The following GPHN variants were observed in gnomAD, a reference collection of about 807,000 sequenced individuals.
GPHN encodes gephyrin.
GPHN carries 17 observed loss-of-function variants against 95.5 expected under a neutral mutation model. The observed-to-expected ratio is 0.18, with a 90% CI of 0.12 to 0.27. The LOEUF (loss-of-function observed/expected upper bound fraction) is 0.27. GPHN is among the 10% of genes least tolerant of loss of function. The pLI is 1.00. For synonymous variants in GPHN, 320 were observed against 322.5 expected, an observed-to-expected ratio of 0.99 and a Z score of 0.08; for missense variants, 660 against 978.1, an observed-to-expected ratio of 0.67 and a Z score of 4.34.
rs552874982 is a variant in GPHN at position 66,525,125 on chromosome 14, G to A, written c.64+16534G>A. On this transcript the variant is annotated intron_variant, in intron 1 of 22. Coordinates refer to ENST00000478722, the MANE Select transcript of GPHN (RefSeq NM_020806.5). Reference sequence around the variant, plus strand: ...TTTACACTCCCAAGAGTGTAAAAGCGTGCCTATTTCTCTACATCCTCTCCA... The same window carrying A: ...TTTACACTCCCAAGAGTGTAAAAGCATGCCTATTTCTCTACATCCTCTCCA... Among the ~76,000 whole-genome samples, 6 of 152,180 alleles carry A rather than the reference G, an allele frequency of 3.9e-5. No homozygotes were observed. In the South Asian group the frequency reaches 6.2e-4, roughly 16 times the overall value.
chr14:66,963,743 G>C (rs1305865665), intron 8 of GPHN, among the ~76,000 whole-genome samples: 1 of 152,026 alleles, frequency 6.6e-6, no homozygotes, highest in African/African-American at 2.4e-5. Flanking sequence ...TACTATTTAT[G>C]ACTATATTGT....
At chr14:66,766,121 A>G (rs80115021) in intron 2 of GPHN, among the ~76,000 whole-genome samples, 3 of 152,214 alleles carry the variant, frequency 2.0e-5, no homozygotes, top group Non-Finnish European at 4.4e-5. Flanking sequence ...GCATTTTTCA[A>G]TTCCTAGTGT....
chr14:66,645,032 T>G (rs1024012003), intron 1 of GPHN, among the ~76,000 whole-genome samples: 14 of 152,156 alleles, frequency 9.2e-5, no homozygotes, highest in African/African-American at 3.4e-4. Context: ...AGGTAATTCA[T>G]GGGCCATCCT....
the GPHN span, chr14:67,616,279 G>A: frequency 6.2e-6 from 1 of 160,660 alleles, no homozygotes; most frequent in Non-Finnish European, 1.4e-5. Flanking sequence ...CTGTCCTGGT[G>A]ATTTTTTTAA....
chr14:66,604,407 T>A (rs898162718), intron 1 of GPHN, among the ~76,000 whole-genome samples: 14 of 152,316 alleles, frequency 9.2e-5, no homozygotes, highest in African/African-American at 3.4e-4. Flanking sequence ...TATGTATGTG[T>A]ACGCATTCGG....
At chr14:67,571,178 G>T in the GPHN span, 43,238 of 154,056 alleles carry the variant, frequency 0.28, 6,210 homozygotes, top group South Asian at 0.39. Context: ...TATATCTTTG[G>T]GAACTTATAT....
At chr14:66,760,566 C>G in intron 2 of GPHN, 1 of 336,750 alleles carries the variant, frequency 3.0e-6, no homozygotes, top group South Asian at 3.0e-5. Context: ...TGTTCAGGGC[C>G]CATCTACCCT....
chr14:67,040,818 CA>C (rs1314766281), intron 10 of GPHN, among the ~76,000 whole-genome samples: 1 of 152,098 alleles, frequency 6.6e-6, no homozygotes, highest in Non-Finnish European at 1.5e-5. Flanking sequence ...TGCATCTTAT[CA>C]GGGGGCTCAT....
intron 13 of GPHN, among the ~76,000 whole-genome samples, chr14:67,101,769 G>A (rs2077707792): frequency 6.6e-6 from 1 of 151,266 alleles, no homozygotes; most frequent in African/African-American, 2.4e-5. Context: ...TTTCTTTTTA[G>A]CAGCATTTTT....
At chr14:67,594,672 T>G in the GPHN span, among the ~76,000 whole-genome samples, 1 of 151,318 alleles carries the variant, frequency 6.6e-6, no homozygotes, top group Non-Finnish European at 1.5e-5. Flanking sequence ...ACCCCAAATC[T>G]TTTCCTTTCA....
chr14:66,604,732 A>C (rs1239230022), intron 1 of GPHN, among the ~76,000 whole-genome samples: 4 of 152,120 alleles, frequency 2.6e-5, no homozygotes, highest in African/African-American at 9.7e-5. Flanking sequence ...TCGGGGGTAC[A>C]TGTACAGATT....
the GPHN span, among the ~76,000 whole-genome samples, chr14:67,662,156 AAAAC>A: frequency 2.0e-5 from 3 of 151,804 alleles, no homozygotes; most frequent in East Asian, 3.9e-4. Flanking sequence ...ACTCTGTCTC[AAAAC>A]AAACAACAAC....
At chr14:67,382,500 A>T in the GPHN span, 1 of 1,613,302 alleles carries the variant, frequency 6.2e-7, no homozygotes. Context: ...CCCTGGAGAG[A>T]ACAGAAGGCC....
chr14:66,762,748 G>A (rs765775040), intron 2 of GPHN, among the ~76,000 whole-genome samples: 1 of 151,956 alleles, frequency 6.6e-6, no homozygotes, highest in Non-Finnish European at 1.5e-5. Context: ...TTTTCTTCCC[G>A]AGTAAAGTGG....
intron 9 of GPHN, among the ~76,000 whole-genome samples, chr14:66,987,041 AT>A (rs1397666869): frequency 2.6e-5 from 4 of 152,124 alleles, no homozygotes; most frequent in Non-Finnish European, 5.9e-5. Context: ...TTAAAATGTT[AT>A]TTCACCAAGG....
chr14:67,049,684 T>G (rs2075213747), intron 10 of GPHN, among the ~76,000 whole-genome samples: 1 of 152,132 alleles, frequency 6.6e-6, no homozygotes. Context: ...AGCTAATTTT[T>G]GTATTTTTAG....
chr14:67,514,395 G>C, the GPHN span, among the ~76,000 whole-genome samples: 1 of 152,144 alleles, frequency 6.6e-6, no homozygotes, highest in Admixed American at 6.5e-5. Flanking sequence ...CCCCATCCCA[G>C]CCAGGCATCT....
At chr14:66,767,455 A>G (rs963096998) in intron 2 of GPHN, among the ~76,000 whole-genome samples, 6 of 150,458 alleles carry the variant, frequency 4.0e-5, no homozygotes, top group Non-Finnish European at 5.9e-5. Context: ...AAAAAAAAAA[A>G]AAAGAAAAGA....
chr14:67,253,650 G>T, the GPHN span, among the ~76,000 whole-genome samples: 1 of 152,056 alleles, frequency 6.6e-6, no homozygotes, highest in South Asian at 2.1e-4. Flanking sequence ...TTCCAGACCC[G>T]CCTAGACAAC....
Sources: allele counts gnomAD v4.1 joint callset (sites outside exome capture counted in the v4.1 genomes callset), GRCh38; gene constraint gnomAD v4.1.1; transcripts MANE v1.5; gene names NCBI Gene and HGNC (gene_info 2026-07-23, HGNC 2026-07-21).